The following ALG12 variants were observed in gnomAD, a reference collection of about 807,000 sequenced individuals.
ALG12 encodes ALG12 alpha-1,6-mannosyltransferase.
ALG12 carries 36 observed loss-of-function variants against 46.0 expected under a neutral mutation model. That is an observed-to-expected ratio of 0.78 (90% CI 0.60 to 1.03). The LOEUF (loss-of-function observed/expected upper bound fraction) is 1.03. Among genes scored for constraint, ALG12 ranks in the 50% least tolerant of loss-of-function variants. The pLI is 0.00. For missense variants in ALG12, 599 were observed against 633.5 expected (o/e 0.95, Z 0.58); for synonymous variants, 326 against 291.6 (o/e 1.12, Z -1.20).
At chr22:49,908,980 C>T (rs145507838) in intron 6 of ALG12, among the ~76,000 whole-genome samples, 125 of 151,176 alleles carry the variant, frequency 8.3e-4, no homozygotes, top group Middle Eastern at 3.4e-3. Context: ...GCAGATTGTC[C>T]GAGGAGCAGA....
chr22:49,861,455 A>G, the ALG12 span, among the ~76,000 whole-genome samples: 1 of 151,974 alleles, frequency 6.6e-6, no homozygotes, highest in Non-Finnish European at 1.5e-5. Flanking sequence ...TTGTTTTGAG[A>G]TAGCGTCTGG....
At chr22:49,895,132 C>T in the ALG12 span, among the ~76,000 whole-genome samples, 1 of 150,284 alleles carries the variant, frequency 6.7e-6, no homozygotes, top group Non-Finnish European at 1.5e-5. Flanking sequence ...TTAGTAAACC[C>T]ACTTCATTAT....
In ALG12 at chr22:49,905,406, T is replaced by C. The variant is rs2060537208; in HGVS notation, c.993-900A>G. Among the ~76,000 whole-genome samples the C allele has an allele frequency of 6.6e-6, 1 of 152,142 alleles. No individual in the cohort carries two copies. Among genetic ancestry groups the C allele is most frequent in the South Asian group, 2.1e-4 (1 of 4,826 alleles). ...GGATCTGCGTCCCCACCAAATCTCA[T>C]GTCCAACTGTGATCCCCAATGCTGG... On this transcript the variant is annotated intron_variant, in intron 7 of 9. Transcript: ENST00000330817. This position sits in a 1 kb window ranked among gnomAD's most constrained non-coding sequence, Gnocchi z 4.9.
the ALG12 span, among the ~76,000 whole-genome samples, chr22:49,893,035 C>A: frequency 2.5e-4 from 38 of 152,140 alleles, no homozygotes; most frequent in East Asian, 3.3e-3. Flanking sequence ...TGCTGAAAAA[C>A]ACAACGATGA....
At chr22:49,880,205 G>C in the ALG12 span, among the ~76,000 whole-genome samples, 3 of 152,110 alleles carry the variant, frequency 2.0e-5, no homozygotes, top group Non-Finnish European at 4.4e-5. Flanking sequence ...CCACTGTTCA[G>C]TCCGGACCCT....
chr22:49,917,373 G>A (rs147017708), intron 1 of ALG12, among the ~76,000 whole-genome samples: 29 of 152,312 alleles, frequency 1.9e-4, no homozygotes, highest in Admixed American at 3.3e-4. Flanking sequence ...GGCCTCTACC[G>A]AAATTGATCA....
At chr22:49,872,277 A>G in the ALG12 span, among the ~76,000 whole-genome samples, 1 of 152,264 alleles carries the variant, frequency 6.6e-6, no homozygotes, top group South Asian at 2.1e-4. Context: ...ATCTCAACAA[A>G]CTAGTTTCTT....
chr22:49,915,858 T>C (rs958339444), intron 1 of ALG12, among the ~76,000 whole-genome samples: 6 of 152,156 alleles, frequency 3.9e-5, no homozygotes, highest in African/African-American at 1.4e-4. Flanking sequence ...GACTCACTGC[T>C]GAATCAGCAA....
chr22:49,893,682 G>A, the ALG12 span, among the ~76,000 whole-genome samples: 1,033 of 152,344 alleles, frequency 6.8e-3, 9 homozygotes, highest in African/African-American at 0.023. Flanking sequence ...GACACTTGAT[G>A]TGGGAAGGAA....
the ALG12 span, chr22:49,886,436 A>G: frequency 1.3e-6 from 2 of 1,583,926 alleles, no homozygotes; most frequent in East Asian, 4.5e-5. This position sits in a 1 kb window ranked among gnomAD's most constrained non-coding sequence, Gnocchi z 7.7. Context: ...ATCAGCTGCG[A>G]CCAGTGGGAG....
the ALG12 span, among the ~76,000 whole-genome samples, chr22:49,872,128 C>G: frequency 1.3e-5 from 2 of 152,182 alleles, no homozygotes; most frequent in African/African-American, 4.8e-5. Context: ...ACATTTTACC[C>G]ACAGTAGAAC....
At position 49,904,191 on chromosome 22, in the gene ALG12, T is replaced by A. The variant is rs1244044061; in HGVS notation, c.1226A>T (p.Asn409Ile). The A allele has an allele frequency of 6.2e-7, 1 of 1,614,058 alleles. No homozygotes were observed. Residue 409 changes from asparagine (N) to isoleucine (I), a missense_variant, in exon 9 of 10, where the codon AAC becomes ATC. Asn to Ile is a moderately radical substitution (Grantham distance 149, BLOSUM62 -3). Coordinates refer to ENST00000330817, the MANE Select transcript of ALG12 (RefSeq NM_024105.4). ...GTGTGGATCCTACCTCCAGGCGCTG[T>A]TGACTTGGAGAAACCGAGACACACC... ...QTGVSRFLQV[N>I]SAWRYDKRED...
At chr22:49,866,830 A>G in the ALG12 span, among the ~76,000 whole-genome samples, 61 of 152,340 alleles carry the variant, frequency 4.0e-4, no homozygotes, top group Middle Eastern at 0.014. Context: ...AGGAATCTGA[A>G]ATCTGAGATG....
intron 1 of ALG12, among the ~76,000 whole-genome samples, chr22:49,915,943 T>C (rs981530897): frequency 6.6e-6 from 1 of 152,088 alleles, no homozygotes; most frequent in African/African-American, 2.4e-5. Flanking sequence ...GGGGTTCTCA[T>C]CACACCAGCT....
the ALG12 span, chr22:49,887,250 C>G: frequency 6.7e-7 from 1 of 1,484,192 alleles, no homozygotes; most frequent in African/African-American, 1.4e-5. Context: ...GGTCTATGAC[C>G]CGCTCTGCCC....
chr22:49,890,835 T>G, the ALG12 span, among the ~76,000 whole-genome samples: 1 of 152,094 alleles, frequency 6.6e-6, no homozygotes, highest in Non-Finnish European at 1.5e-5. Flanking sequence ...GCTAACATGG[T>G]GAAACCCCGT....
chr22:49,886,744 G>T, the ALG12 span: 1 of 1,612,958 alleles, frequency 6.2e-7, no homozygotes, highest in East Asian at 2.2e-5. The surrounding 1 kb of genome is among the most constrained non-coding windows in gnomAD (Gnocchi z 7.7). Context: ...GTACAAACAG[G>T]ATTTAATCAG....
the ALG12 span, chr22:49,883,839 G>A: frequency 7.1e-4 from 1,151 of 1,610,516 alleles, 9 homozygotes; most frequent in African/African-American, 0.013. Flanking sequence ...GGGAGCGAGC[G>A]GGCCTCGGTG....
At chr22:49,863,098 G>A in the ALG12 span, among the ~76,000 whole-genome samples, 1 of 152,128 alleles carries the variant, frequency 6.6e-6, no homozygotes, top group Non-Finnish European at 1.5e-5. Context: ...TGCATCTCAC[G>A]GTCTAGATTT....
Sources: allele counts gnomAD v4.1 joint callset (sites outside exome capture counted in the v4.1 genomes callset), GRCh38; gene constraint gnomAD v4.1.1; non-coding constraint Gnocchi (gnomAD v3.1); transcripts MANE v1.5; gene names NCBI Gene and HGNC (gene_info 2026-07-23, HGNC 2026-07-21).